PDE4D: variants seen among roughly 807,000 people sequenced by gnomAD.
PDE4D encodes the protein phosphodiesterase 4D, also known as 3',5'-cyclic-AMP phosphodiesterase 4D.
PDE4D carries 24 observed loss-of-function variants against 87.4 expected under a neutral mutation model. The ratio of observed to expected loss-of-function variants is 0.27; its 90% CI spans 0.20 to 0.39. PDE4D has a LOEUF of 0.39. PDE4D is among the 10% of genes least tolerant of loss of function. The probability of loss-of-function intolerance (pLI) is 1.00; values close to 1 mark genes in which losing one functional copy is unlikely to be tolerated. For synonymous variants in PDE4D, 384 were observed against 383.2 expected (o/e 1.00, Z -0.02); for missense variants, 714 against 1,041.0 (o/e 0.69, Z 4.32).
intron 2 of PDE4D, among the ~76,000 whole-genome samples, chr5:60,010,309 A>G (rs757304651): frequency 1.3e-5 from 2 of 152,188 alleles, no homozygotes; most frequent in Non-Finnish European, 2.9e-5. Context: ...GAGATAAAGC[A>G]CATAGTTTGC....
At chr5:59,003,936 G>A (rs1454915251) in intron 6 of PDE4D, among the ~76,000 whole-genome samples, 3 of 151,456 alleles carry the variant, frequency 2.0e-5, no homozygotes, top group Admixed American at 1.3e-4. Context: ...ATTACACTCT[G>A]CAGTCAGGCT....
intron 5 of PDE4D, among the ~76,000 whole-genome samples, chr5:59,120,851 C>T (rs1774368978): frequency 6.6e-6 from 1 of 151,998 alleles, no homozygotes; most frequent in Non-Finnish European, 1.5e-5. Context: ...ATACAGAGAG[C>T]CTGGAAACAA....
chr5:59,345,469 C>A (rs551352106), intron 1 of PDE4D, among the ~76,000 whole-genome samples: 2 of 152,104 alleles, frequency 1.3e-5, no homozygotes, highest in Admixed American at 6.6e-5. Context: ...ATGGATCAAA[C>A]AGGGAAAACT....
In PDE4D at chr5:59,488,667, G is replaced by A. The variant is rs575219366; in HGVS notation, c.456-272699C>T. ...CCTTTCAAAAAATATAACCACTAGA[G>A]ATAATCTTCTTTTTTTTTTTTTGAG... is the stretch of plus-strand genomic sequence containing the variant. On this transcript the variant is annotated intron_variant, in intron 1 of 14. Transcript: ENST00000340635. Among the ~76,000 whole-genome samples, 493 of 139,352 alleles carry A rather than the reference G, an allele frequency of 3.5e-3. 2 individuals carry two copies. Among genetic ancestry groups the A allele is most frequent in the African/African-American group, 0.013 (453 of 35,164 alleles). 91.4% of individuals were successfully genotyped at this position (139,352 alleles called of 152,430 possible).
chr5:59,103,950 C>T (rs1411066457), intron 5 of PDE4D, among the ~76,000 whole-genome samples: 2 of 152,096 alleles, frequency 1.3e-5, no homozygotes, highest in East Asian at 1.9e-4. Flanking sequence ...ATCCCACAGC[C>T]GTGGTTTGCA....
At chr5:59,909,972 C>A (rs1040741534) in intron 3 of PDE4D, among the ~76,000 whole-genome samples, 1 of 152,056 alleles carries the variant, frequency 6.6e-6, no homozygotes, top group African/African-American at 2.4e-5. Context: ...CCCATATATA[C>A]CCCCCACCAT....
intron 1 of PDE4D, among the ~76,000 whole-genome samples, chr5:59,610,148 C>G (rs1275186792): frequency 6.6e-6 from 1 of 152,124 alleles, no homozygotes; most frequent in Non-Finnish European, 1.5e-5. Flanking sequence ...ACTGGTAGAG[C>G]AGAGACCAGT....
intron 1 of PDE4D, among the ~76,000 whole-genome samples, chr5:60,451,172 A>C (rs1156762440): frequency 6.6e-6 from 1 of 152,078 alleles, no homozygotes; most frequent in Non-Finnish European, 1.5e-5. Context: ...CAAAAATCCT[A>C]GATGCTCAAA....
At chr5:59,538,883 A>ACT (rs1301413380) in intron 1 of PDE4D, among the ~76,000 whole-genome samples, 1 of 151,860 alleles carries the variant, frequency 6.6e-6, no homozygotes, top group Non-Finnish European at 1.5e-5. Context: ...AATGTCAAGA[A>ACT]CTCTCCACTT....
intron 1 of PDE4D, among the ~76,000 whole-genome samples, chr5:60,305,789 ATG>A (rs1241494193): frequency 6.6e-6 from 1 of 151,952 alleles, no homozygotes; most frequent in Admixed American, 6.5e-5. Flanking sequence ...ACATATTACA[ATG>A]TGTGTGTATA....
intron 1 of PDE4D, among the ~76,000 whole-genome samples, chr5:59,757,486 T>C (rs984623871): frequency 6.6e-6 from 1 of 152,156 alleles, no homozygotes; most frequent in Non-Finnish European, 1.5e-5. Context: ...TATTCTATAA[T>C]GTGGAATTTG....
chr5:60,213,432 T>C (rs1743482101), intron 1 of PDE4D, among the ~76,000 whole-genome samples: 1 of 152,224 alleles, frequency 6.6e-6, no homozygotes. Context: ...TATACGTTCT[T>C]GAACTCCAAA....
At chr5:60,342,861 T>C (rs1366733938) in intron 1 of PDE4D, among the ~76,000 whole-genome samples, 1 of 152,202 alleles carries the variant, frequency 6.6e-6, no homozygotes, top group Non-Finnish European at 1.5e-5. Flanking sequence ...CAAAGCCTCG[T>C]GACTTATCTG....
chr5:60,392,958 GT>G (rs1337283367), intron 1 of PDE4D, among the ~76,000 whole-genome samples: 1 of 152,156 alleles, frequency 6.6e-6, no homozygotes, highest in Non-Finnish European at 1.5e-5. Context: ...ATTTAAACGG[GT>G]TCTTCCCCTA....
chr5:59,503,887 C>A (rs1265157238), intron 1 of PDE4D, among the ~76,000 whole-genome samples: 1 of 147,698 alleles, frequency 6.8e-6, no homozygotes, highest in Admixed American at 6.8e-5. Context: ...AAGCATATTT[C>A]TCTACTAGAA....
chr5:59,186,708 C>G (rs1743000800), intron 3 of PDE4D, among the ~76,000 whole-genome samples: 3 of 152,144 alleles, frequency 2.0e-5, no homozygotes, highest in Non-Finnish European at 4.4e-5. Context: ...GAATTTTCCC[C>G]TAAAGGAGTT....
At chr5:59,514,270 T>TA (rs1810783475) in intron 1 of PDE4D, among the ~76,000 whole-genome samples, 1 of 152,030 alleles carries the variant, frequency 6.6e-6, no homozygotes, top group African/African-American at 2.4e-5. Flanking sequence ...CACGCCCAGC[T>TA]AATTTTTCGT....
intron 1 of PDE4D, among the ~76,000 whole-genome samples, chr5:59,827,475 T>G (rs909455648): frequency 6.6e-6 from 1 of 152,196 alleles, no homozygotes; most frequent in Non-Finnish European, 1.5e-5. Flanking sequence ...TGCACATGCT[T>G]TACTTTCAAG....
chr5:59,637,700 A>G (rs1156866898), intron 1 of PDE4D, among the ~76,000 whole-genome samples: 1 of 152,136 alleles, frequency 6.6e-6, no homozygotes, highest in African/African-American at 2.4e-5. Flanking sequence ...GAGTTGAACA[A>G]TGAGAACATA....
Sources: gnomAD v4.1 joint callset for allele counts (sites outside exome capture counted in the v4.1 genomes callset) on GRCh38, gnomAD v4.1.1 for gene constraint, MANE v1.5 for transcripts, NCBI Gene and HGNC (gene_info 2026-07-23, HGNC 2026-07-21) for gene names.